SETD1A: variants seen among roughly 807,000 people sequenced by gnomAD.
SETD1A encodes the protein SET domain containing 1A, histone lysine methyltransferase.
Under a neutral mutation model 149.9 loss-of-function variants are expected in SETD1A, and 29 were observed. That is an observed-to-expected ratio of 0.19 (90% confidence interval 0.14 to 0.26). The LOEUF is 0.26. SETD1A is among the 10% of genes least tolerant of loss of function. The pLI is 1.00. For missense variants in SETD1A, 2,109 were observed against 2,353.1 expected (o/e 0.90, Z 2.15); for synonymous variants, 1,141 against 968.5 (o/e 1.18, Z -3.31).
chr16:30,971,958 TG>T (rs2056231317), intron 13 of SETD1A, among the ~76,000 whole-genome samples: 1 of 152,210 alleles, frequency 6.6e-6, no homozygotes, highest in African/African-American at 2.4e-5. Context: ...TAAAATGGGT[TG>T]GTCTCTTCTC....
chr16:30,982,601 C>T (rs2056394480), intron 17 of SETD1A, among the ~76,000 whole-genome samples: 1 of 151,686 alleles, frequency 6.6e-6, no homozygotes, highest in Non-Finnish European at 1.5e-5. Flanking sequence ...GCCTGTGAAT[C>T]CACTTGGGCC....
rs567530347 is a variant in SETD1A, at chr16:30,980,240, G to T, written c.4408+46G>T. The T allele has an allele frequency of 1.6e-5, 24 of 1,544,368 alleles. No individual in the cohort carries two copies. Among genetic ancestry groups the T allele is most frequent in the Admixed American group, 1.4e-4 (7 of 51,770 alleles). ...CTTCCCCGGGCTTGGGTCCTCCCCC[G>T]ACCCCTCCAGGCACCTGCATCTGTG... is the stretch of plus-strand genomic sequence containing the variant. On this transcript the variant is annotated intron_variant, in intron 14 of 18. Transcript: ENST00000262519. The surrounding 1 kb of genome is among the most constrained non-coding windows in gnomAD (Gnocchi z 7.7).
chr16:30,968,472 A>T (rs1026574818), intron 10 of SETD1A, among the ~76,000 whole-genome samples: 8 of 151,804 alleles, frequency 5.3e-5, no homozygotes, highest in Non-Finnish European at 8.8e-5. Context: ...AAATATATAC[A>T]CACACACATA....
At chr16:30,963,286 G>C (rs988722635) in intron 4 of SETD1A, 147 bp from the exon 5 acceptor site, 1 of 639,592 alleles carries the variant, frequency 1.6e-6, no homozygotes. Context: ...AGGTCCCAAA[G>C]GTAGAGTTAT....
At chr16:30,969,525 T>C in intron 11 of SETD1A, 63 bp downstream of exon 11, 2 of 1,599,704 alleles carry the variant, frequency 1.3e-6, no homozygotes, top group Non-Finnish European at 1.7e-6. Context: ...TCTTTGTGGT[T>C]GGAGCCCAGG....
chr16:30,965,896 A>G lies in SETD1A; in HGVS notation c.2015A>G (p.Gln672Arg). Residue 672 changes from glutamine to arginine, a missense_variant, in exon 8 of 19, where the codon CAG becomes CGG. Physicochemically the swap from Gln to Arg is conservative, Grantham distance 43. This residue lies in a region of SETD1A where 431 missense variants were observed against 388.6 expected (regional missense o/e 1.11). Transcript: ENST00000262519. ...GAGCTCATGGACCGACTTGGGGCTC[A>G]GTGGGGAGGGATGCCCATGTCCTTC... ...SLELMDRLGA[Q>R]WGGMPMSFQM... The G allele has an allele frequency of 3.7e-6, 6 of 1,611,064 alleles. No homozygotes were observed. Among genetic ancestry groups the G allele is most frequent in the Middle Eastern group, 1.7e-4 (1 of 6,056 alleles).
intron 13 of SETD1A, among the ~76,000 whole-genome samples, chr16:30,972,216 A>C (rs2056234043): frequency 6.6e-6 from 1 of 152,184 alleles, no homozygotes; most frequent in South Asian, 2.1e-4. Flanking sequence ...CAAGCAGTAG[A>C]TATTTTTTTG....
In SETD1A at chr16:30,967,036, G is replaced by C; in HGVS notation, c.2658G>C (p.Gly886=). ...TCGCCTTTGGGTCAGGGCTGAGAGGGGCCCTGCGGCTGCCTTCATTCAAGG... is the reference window on the plus strand; with the variant it reads ...TCGCCTTTGGGTCAGGGCTGAGAGGCGCCCTGCGGCTGCCTTCATTCAAGG... ...EAFAFGSGLR[G]ALRLPSFKVK... is the part of the protein sequence containing the mutation. The change falls in exon 9 of 19, where the codon GGG becomes GGC. Residue 886 remains glycine, a synonymous_variant. Transcript: ENST00000262519. 1.3e-6 allele frequency: 2 copies of C among 1,595,254 alleles called. No homozygotes were observed. The highest frequency in any genetic ancestry group is 1.7e-6 in the Non-Finnish European group (2 of 1,172,340).
At position 30,979,993 on chromosome 16, in the gene SETD1A, C is replaced by CCGA; in HGVS notation, c.4208_4209insGAC (p.Pro1403_Pro1404insThr). ...CCGCTCCCACGCCCGGCGCCGCCGC[C>CCGA]CTCCGCCCCCACCCCCGCCGCCACC... On this transcript the variant is annotated inframe_insertion, in exon 14 of 19. Transcript: ENST00000262519. The CCGA allele has an allele frequency of 2.7e-6, 4 of 1,489,218 alleles. No homozygotes were observed. The highest frequency in any genetic ancestry group is 2.7e-6 in the Non-Finnish European group (3 of 1,124,044). The allele number at this position is 1,489,218 out of a possible 1,614,324, so 92.3% of individuals were successfully genotyped here.
At chr16:30,970,091 C>T (rs898354198) in intron 12 of SETD1A, among the ~76,000 whole-genome samples, 2 of 151,804 alleles carry the variant, frequency 1.3e-5, no homozygotes, top group African/African-American at 2.4e-5. Context: ...CCTCAGCCTC[C>T]GTTGTAGCTG....
chr16:30,976,281 A>C (rs2056284270), intron 13 of SETD1A, among the ~76,000 whole-genome samples: 1 of 152,152 alleles, frequency 6.6e-6, no homozygotes, highest in South Asian at 2.1e-4. Context: ...GCTTCTGGGG[A>C]GGCTGAGTCG....
In SETD1A at chr16:30,980,671, C is replaced by G. The variant is rs576300287; in HGVS notation, c.4581+14C>G. 94 of 1,610,238 alleles carry G rather than the reference C, an allele frequency of 5.8e-5. No individual in the cohort carries two copies. In the Admixed American group the frequency reaches 1.4e-3, roughly 25 times the overall value. On this transcript the variant is annotated intron_variant, in intron 15 of 18. Transcript: ENST00000262519. The surrounding 1 kb of genome is among the most constrained non-coding windows in gnomAD (Gnocchi z 7.7). Reference sequence around the variant, plus strand: ...GTGGACACTCAGGTGGGCCTAACCCCGCCGCCGCGTCCTCCTGCCACTCAC... The same window carrying G: ...GTGGACACTCAGGTGGGCCTAACCCGGCCGCCGCGTCCTCCTGCCACTCAC...
Position 30,965,377 on chromosome 16 carries a change from A to C in SETD1A, c.1635A>C (p.Pro545=), listed in dbSNP as rs752507036. 1.2e-6 allele frequency: 2 copies of C among 1,607,830 alleles called. No homozygotes were observed. The highest frequency in any genetic ancestry group is 2.2e-5 in the South Asian group (2 of 90,860). Reference sequence around the variant, plus strand: ...GGCCCTGCACACCCCCTCCGGCCCCAGCTAATTTTGAGGATGTGGCACCTA... The same window carrying C: ...GGCCCTGCACACCCCCTCCGGCCCCCGCTAATTTTGAGGATGTGGCACCTA... The part of the protein sequence containing the change: ...GHGPCTPPPA[P]ANFEDVAPTG... Residue 545 remains proline (P), a synonymous_variant, in exon 7 of 19, where the codon CCA becomes CCC. Coordinates refer to ENST00000262519, the MANE Select transcript of SETD1A (RefSeq NM_014712.3).
rs2056328478 is a variant in SETD1A at position 30,979,224 on chromosome 16, C to T, written c.3438C>T (p.Arg1146=). 1.9e-6 allele frequency: 3 copies of T among 1,593,640 alleles called. No homozygotes were observed. Among genetic ancestry groups the T allele is most frequent in the African/African-American group, 2.7e-5 (2 of 74,616 alleles). ...CTGGGCCCCCGGCCCCTGCCCCACG[C>T]CCCGATGAGCGTCCCTCTTCTCCCA... ...PPAGPPAPAP[R]PDERPSSPIP... Residue 1146 remains arginine (R), a synonymous_variant, in exon 14 of 19, where the codon CGC becomes CGT. Coordinates refer to ENST00000262519, the MANE Select transcript of SETD1A (RefSeq NM_014712.3).
rs1415770777 is a variant in SETD1A, at chr16:30,981,055, C to T, written c.4693-6C>T. ...CTGGCAGTTGAGTCTCCCTTCTGCC[C>T]CCCAGTTCCGGAAGAAGAAGCTCCG... On this transcript the variant is annotated splice_region_variant and splice_polypyrimidine_tract_variant and intron_variant, in intron 16 of 18. Coordinates refer to ENST00000262519, the MANE Select transcript of SETD1A (RefSeq NM_014712.3). 3.7e-6 allele frequency: 6 copies of T among 1,613,956 alleles called. No homozygotes were observed. Among genetic ancestry groups the T allele is most frequent in the African/African-American group, 1.3e-5 (1 of 74,928 alleles).
At chr16:30,970,037 G>A (rs1362291410) in intron 12 of SETD1A, among the ~76,000 whole-genome samples, 2 of 152,038 alleles carry the variant, frequency 1.3e-5, no homozygotes, top group East Asian at 1.9e-4. Flanking sequence ...GCGCAATCTC[G>A]GCTCACTGCA....
chr16:30,967,568 C>T lies in SETD1A; in HGVS notation c.2750C>T (p.Pro917Leu), dbSNP rs2056165462. The change falls in exon 10 of 19, where the codon CCT becomes CTT. Residue 917 changes from proline to leucine, a missense_variant. Physicochemically the swap from Pro to Leu is moderately conservative, Grantham distance 98. This residue lies in a region of SETD1A where 832 missense variants were observed against 815.6 expected (regional missense o/e 1.02). Coordinates refer to ENST00000262519, the MANE Select transcript of SETD1A (RefSeq NM_014712.3). ...SEEKRPRPST[P>L]AEEDEDDPEQ... ...GAAAAGAGGCCTCGTCCCTCCACTC[C>T]TGCTGAGGAAGATGAAGACGGTGAG... is the stretch of plus-strand genomic sequence containing the variant. The T allele has an allele frequency of 6.2e-7, 1 of 1,613,944 alleles. No homozygotes were observed. Among genetic ancestry groups the T allele is most frequent in the East Asian group, 2.2e-5 (1 of 44,870 alleles).
At chr16:30,969,543 G>T in intron 11 of SETD1A, 59 bp from the exon 12 acceptor site, 1 of 1,602,432 alleles carries the variant, frequency 6.2e-7, no homozygotes, top group East Asian at 2.2e-5. Flanking sequence ...AGGCAGCTGT[G>T]CCTGGTGTAG....
At position 30,981,047 on chromosome 16, in the gene SETD1A, C is replaced by T. The variant is rs377445474; in HGVS notation, c.4693-14C>T. On this transcript the variant is annotated splice_polypyrimidine_tract_variant and intron_variant, in intron 16 of 18. Transcript: ENST00000262519. ...GGAGGTGTCTGGCAGTTGAGTCTCC[C>T]TTCTGCCCCCCAGTTCCGGAAGAAG... is the stretch of plus-strand genomic sequence containing the variant. 34 of 1,613,790 alleles carry T rather than the reference C, an allele frequency of 2.1e-5. No individual in the cohort carries two copies. The highest frequency in any genetic ancestry group is 2.7e-5 in the Non-Finnish European group (32 of 1,179,862).
Sources: allele counts gnomAD v4.1 joint callset (sites outside exome capture counted in the v4.1 genomes callset), GRCh38; gene constraint gnomAD v4.1.1; regional missense constraint gnomAD v4.1.1; non-coding constraint Gnocchi (gnomAD v3.1); transcripts MANE v1.5; gene names NCBI Gene and HGNC (gene_info 2026-07-23, HGNC 2026-07-21).